The following PRAG1 variants were observed in gnomAD, a reference collection of about 807,000 sequenced individuals.
The protein encoded by PRAG1 is PEAK1 related, kinase-activating pseudokinase 1.
In PRAG1, 110 loss-of-function variants were observed where a neutral mutation model predicts 95.6. That is an observed-to-expected ratio of 1.15 (90% CI 0.99 to 1.35). The LOEUF is 1.35. PRAG1 is among the 40% of genes most tolerant of loss of function. The pLI, the probability that PRAG1 is intolerant of heterozygous loss-of-function variation, is 0.00. For synonymous variants in PRAG1, 1,052 were observed against 819.4 expected (o/e 1.28, Z -4.85); for missense variants, 2,554 against 1,864.7 (o/e 1.37, Z -6.81).
rs1381289565 is a variant in PRAG1, at chr8:8,377,431, C to T, written c.978G>A (p.Lys326=). ...PTAHPSCLGP[K]KLSLTSEAAI... ...CAGCCTCCGAGGTGAGGGACAGTTTCTTGGGGCCCAGGCAGGATGGGTGGG... is the reference window on the plus strand; with the variant it reads ...CAGCCTCCGAGGTGAGGGACAGTTTTTTGGGGCCCAGGCAGGATGGGTGGG... The change falls in exon 3 of 6, where the codon AAG becomes AAA. Residue 326 remains lysine (K), a synonymous_variant. Coordinates refer to ENST00000615670, the MANE Select transcript of PRAG1 (RefSeq NM_001080826.3). 6.4e-7 allele frequency: 1 copy of T among 1,560,684 alleles called. No homozygotes were observed. Among genetic ancestry groups the T allele is most frequent in the Non-Finnish European group, 8.7e-7 (1 of 1,154,398 alleles).
chr8:8,371,846 C>T (rs985272566), intron 3 of PRAG1, among the ~76,000 whole-genome samples: 1 of 152,142 alleles, frequency 6.6e-6, no homozygotes, highest in East Asian at 1.9e-4. Flanking sequence ...GCCTGGGCGG[C>T]AGAGTGAGAT....
intron 5 of PRAG1, among the ~76,000 whole-genome samples, chr8:8,320,670 C>G (rs548350484): frequency 1.3e-5 from 2 of 152,324 alleles, no homozygotes; most frequent in South Asian, 2.1e-4. Context: ...AAAGGCATCT[C>G]ACATCTACCT....
chr8:8,325,625 C>T (rs1798612806), intron 5 of PRAG1, among the ~76,000 whole-genome samples: 1 of 152,164 alleles, frequency 6.6e-6, no homozygotes, highest in Non-Finnish European at 1.5e-5. Flanking sequence ...AAAAACAAAA[C>T]TGTGGCGGGG....
Position 8,377,010 on chromosome 8 carries a change from T to A in PRAG1, c.1399A>T (p.Thr467Ser), listed in dbSNP as rs750150513. ...GTGATGGTGGCTGACACCTGGGGAG[T>A]TGGGTCTGGGCTGTCCCGGCCCCAG... is the stretch of plus-strand genomic sequence containing the variant. The part of the protein sequence containing the change: ...SGWGRDSPDP[T>S]PQVSATITVM... Residue 467 changes from threonine (T) to serine (S), a missense_variant, in exon 3 of 6, where the codon ACT (threonine) becomes TCT (serine). By Grantham distance (58) the Thr-to-Ser change is moderately conservative (BLOSUM62 1). Transcript: ENST00000615670. The A allele has an allele frequency of 6.2e-7, 1 of 1,613,598 alleles. No homozygotes were observed. The highest frequency in any genetic ancestry group is 8.5e-7 in the Non-Finnish European group (1 of 1,179,896).
intron 3 of PRAG1, among the ~76,000 whole-genome samples, chr8:8,374,952 G>T (rs1168020088): frequency 6.6e-6 from 1 of 152,060 alleles, no homozygotes; most frequent in Non-Finnish European, 1.5e-5. Context: ...GAGAAAGTCT[G>T]TTCAGAAACG....
chr8:8,331,988 C>T (rs570243658), intron 4 of PRAG1, among the ~76,000 whole-genome samples: 1 of 152,188 alleles, frequency 6.6e-6, no homozygotes, highest in South Asian at 2.1e-4. Context: ...CAGTACTCGC[C>T]GCATTATACA....
intron 3 of PRAG1, among the ~76,000 whole-genome samples, chr8:8,367,962 C>G (rs1800066449): frequency 6.6e-6 from 1 of 152,098 alleles, no homozygotes; most frequent in Non-Finnish European, 1.5e-5. Context: ...TTTTTAATTT[C>G]ATTAATTTTG....
chr8:8,366,853 AT>A (rs1370659417), intron 3 of PRAG1, among the ~76,000 whole-genome samples: 2 of 148,932 alleles, frequency 1.3e-5, no homozygotes, highest in East Asian at 4.1e-4. Flanking sequence ...CATTTTTGTA[AT>A]TTTTTTTGAG....
intron 3 of PRAG1, among the ~76,000 whole-genome samples, chr8:8,358,819 G>A (rs1440838189): frequency 1.3e-5 from 2 of 152,170 alleles, no homozygotes; most frequent in African/African-American, 4.8e-5. Flanking sequence ...CACAGTCTAA[G>A]CTTAGCCCAA....
chr8:8,367,458 CAAAAAAAAAAAAAAAAAAAAAAAAAAA>C (rs1158165514), intron 3 of PRAG1, among the ~76,000 whole-genome samples: 4 of 26,218 alleles, frequency 1.5e-4, no homozygotes, highest in South Asian at 4.9e-3. Flanking sequence ...GACTCCATCT[CAAAAAAAAAAAAAAAAAAAAAAAAAAA>C]AAAAAAAAAA....
intron 5 of PRAG1, among the ~76,000 whole-genome samples, chr8:8,326,307 A>G (rs554910261): frequency 6.6e-6 from 1 of 151,280 alleles, no homozygotes; most frequent in Admixed American, 6.6e-5. Context: ...AATGTTAGCA[A>G]TATTATTTTA....
chr8:8,321,363 G>A (rs1339248478), intron 5 of PRAG1, among the ~76,000 whole-genome samples: 1 of 152,214 alleles, frequency 6.6e-6, no homozygotes, highest in East Asian at 1.9e-4. Context: ...GGGATTACTC[G>A]CGTGAACCAC....
At position 8,339,491 on chromosome 8, in the gene PRAG1, G is replaced by C. The variant is rs1799097821; in HGVS notation, c.2307C>G (p.Thr769=). ...STDSLASDSR[T]CSDGGPSSEL... The stretch of plus-strand genomic sequence containing the variant: ...CAAGTTTGTTACCTCCATCGCTGCA[G>C]GTCCTAGAGTCTGAGGCCAGGCTGT... Residue 769 remains threonine (T), a synonymous_variant, in exon 4 of 6, where the codon ACC becomes ACG. Transcript: ENST00000615670. 1.9e-6 allele frequency: 3 copies of C among 1,613,946 alleles called. No individual in the cohort carries two copies. The highest frequency in any genetic ancestry group is 2.5e-6 in the Non-Finnish European group (3 of 1,179,992).
intron 3 of PRAG1, among the ~76,000 whole-genome samples, chr8:8,355,242 A>G (rs1799646469): frequency 6.6e-6 from 1 of 152,200 alleles, no homozygotes; most frequent in Admixed American, 6.5e-5. Context: ...ACTATAAAAC[A>G]TTAAATGCAA....
Position 8,377,985 on chromosome 8 carries a change from G to T in PRAG1, c.424C>A (p.Pro142Thr), listed in dbSNP as rs371444632. The T allele has an allele frequency of 7.4e-6, 12 of 1,612,142 alleles. No homozygotes were observed. The highest frequency in any genetic ancestry group is 9.3e-6 in the Non-Finnish European group (11 of 1,179,116). Reference sequence around the variant, plus strand: ...TCAGGGGAGGTAGAGGGACCAGCAGGCTTCTGTACACCTCGGAAGCTGCCC... The same window carrying T: ...TCAGGGGAGGTAGAGGGACCAGCAGTCTTCTGTACACCTCGGAAGCTGCCC... ...YLGSFRGVQK[P>T]AGPSTSPDGN... The change falls in exon 3 of 6, where the codon CCT becomes ACT. Residue 142 changes from proline (P) to threonine (T), a missense_variant. By Grantham distance (38) the Pro-to-Thr change is conservative. Coordinates refer to ENST00000615670, the MANE Select transcript of PRAG1 (RefSeq NM_001080826.3).
intron 4 of PRAG1, among the ~76,000 whole-genome samples, chr8:8,328,829 T>C (rs1421383709): frequency 1.3e-5 from 2 of 152,210 alleles, no homozygotes; most frequent in Non-Finnish European, 2.9e-5. Context: ...AAACGGTGGC[T>C]ACTGTTTGGA....
chr8:8,343,164 A>G (rs1489229191), intron 3 of PRAG1, among the ~76,000 whole-genome samples: 1 of 152,250 alleles, frequency 6.6e-6, no homozygotes, highest in African/African-American at 2.4e-5. Flanking sequence ...AAAATTATGA[A>G]TGATCAGATT....
At chr8:8,352,655 T>G (rs34183080) in intron 3 of PRAG1, among the ~76,000 whole-genome samples, 3,944 of 152,324 alleles carry the variant, frequency 0.026, 83 homozygotes, top group South Asian at 0.054. Flanking sequence ...CATTTTTACA[T>G]TGGTCTGCAT....
intron 3 of PRAG1, among the ~76,000 whole-genome samples, chr8:8,368,632 C>A (rs1800089511): frequency 6.6e-6 from 1 of 152,222 alleles, no homozygotes; most frequent in East Asian, 1.9e-4. Flanking sequence ...AATTTCCTAC[C>A]AATTGGTGAG....
Sources: allele counts gnomAD v4.1 joint callset (sites outside exome capture counted in the v4.1 genomes callset), GRCh38; gene constraint gnomAD v4.1.1; transcripts MANE v1.5; gene names NCBI Gene and HGNC (gene_info 2026-07-23, HGNC 2026-07-21).